KCNQ5: variants seen among roughly 807,000 people sequenced by gnomAD.
KCNQ5 encodes potassium voltage-gated channel subfamily Q member 5, also known as potassium voltage-gated channel subfamily KQT member 5.
A neutral mutation model predicts 98.2 loss-of-function variants in KCNQ5; 30 were observed. The ratio of observed to expected loss-of-function variants is 0.31; its 90% CI spans 0.23 to 0.41. The LOEUF (loss-of-function observed/expected upper bound fraction) is 0.41. KCNQ5 is among the 10% of genes least tolerant of loss of function. KCNQ5 has a pLI of 1.00. For missense variants in KCNQ5, 835 were observed against 1,182.5 expected, an observed-to-expected ratio of 0.71 and a Z score of 4.31; for synonymous variants, 458 against 449.4, an observed-to-expected ratio of 1.02 and a Z score of -0.24.
intron 10 of KCNQ5, among the ~76,000 whole-genome samples, chr6:73,166,523 A>AAC (rs1430663050): frequency 3.1e-5 from 3 of 97,848 alleles, no homozygotes; most frequent in South Asian, 2.9e-4. Flanking sequence ...AAAAAAAAAA[A>AAC]AAACTCTTAT....
At chr6:72,888,958 CTG>C (rs1376890198) in intron 1 of KCNQ5, among the ~76,000 whole-genome samples, 2 of 152,064 alleles carry the variant, frequency 1.3e-5, no homozygotes, top group African/African-American at 4.8e-5. Context: ...GTCTGTGTCT[CTG>C]TGTGTTTGTA....
chr6:72,844,801 G>A (rs1776949921), intron 1 of KCNQ5, among the ~76,000 whole-genome samples: 1 of 152,168 alleles, frequency 6.6e-6, no homozygotes, highest in South Asian at 2.1e-4. Context: ...CGTGGCCACT[G>A]GTACAGCTAA....
At chr6:72,651,008 G>A (rs1489737389) in intron 1 of KCNQ5, among the ~76,000 whole-genome samples, 1 of 152,024 alleles carries the variant, frequency 6.6e-6, no homozygotes, top group Non-Finnish European at 1.5e-5. Flanking sequence ...GAGGCCAAAT[G>A]CAGGAGATAA....
At chr6:72,933,936 A>G (rs1765791573) in intron 1 of KCNQ5, among the ~76,000 whole-genome samples, 1 of 152,222 alleles carries the variant, frequency 6.6e-6, no homozygotes, top group Non-Finnish European at 1.5e-5. Context: ...ACAAGCAAAT[A>G]AATGTAATTA....
At position 72,730,738 on chromosome 6, in the gene KCNQ5, G is replaced by C. The variant is rs1369581908; in HGVS notation, c.398+108151G>C. Among the ~76,000 whole-genome samples, 3 of 151,970 alleles carry C rather than the reference G, an allele frequency of 2.0e-5. No homozygotes were observed. The East Asian group carries it at 5.8e-4, about 29-fold the overall frequency. ...AGGCTTTATGGTGTTTTATGTGGTAGAGTTACTCATTCTTCATTACACTTT... is the reference window on the plus strand; with the variant it reads ...AGGCTTTATGGTGTTTTATGTGGTACAGTTACTCATTCTTCATTACACTTT... On this transcript the variant is annotated intron_variant, in intron 1 of 13. Transcript: ENST00000370398.
chr6:72,927,077 A>G (rs1765459770), intron 1 of KCNQ5, among the ~76,000 whole-genome samples: 1 of 152,178 alleles, frequency 6.6e-6, no homozygotes, highest in South Asian at 2.1e-4. Context: ...TAAAAAATAA[A>G]AATGCCTCAC....
intron 1 of KCNQ5, among the ~76,000 whole-genome samples, chr6:72,918,630 C>A (rs2150214132): frequency 6.6e-6 from 1 of 152,096 alleles, no homozygotes; most frequent in South Asian, 2.1e-4. Flanking sequence ...CTGGCTGGCC[C>A]TACCTTCCTT....
chr6:72,706,896 A>G (rs541362928), intron 1 of KCNQ5, among the ~76,000 whole-genome samples: 1 of 152,326 alleles, frequency 6.6e-6, no homozygotes, highest in South Asian at 2.1e-4. Context: ...ATAATTTTCC[A>G]TGCTCATTCA....
intron 1 of KCNQ5, among the ~76,000 whole-genome samples, chr6:72,666,747 C>T (rs757677347): frequency 5.3e-5 from 8 of 152,002 alleles, no homozygotes; most frequent in African/African-American, 1.4e-4. Flanking sequence ...TTATTATGAA[C>T]GTTTACACTT....
intron 10 of KCNQ5, chr6:73,157,914 C>T: frequency 1.3e-6 from 1 of 775,144 alleles, no homozygotes; most frequent in Non-Finnish European, 2.4e-6. Flanking sequence ...CTGCTCCTGC[C>T]CCGCTGTCAA....
Position 73,041,983 on chromosome 6 carries a change from C to T in KCNQ5, c.537C>T (p.Ile179=), listed in dbSNP as rs772465200. The change falls in exon 3 of 14, where the codon ATC becomes ATT. Residue 179 remains isoleucine (I), a synonymous_variant. Transcript: ENST00000370398. ...TTGGTTTGGAGTTCATCATTCGAAT[C>T]TGGTCTGCGGGTTGCTGTTGTCGAT... The part of the protein sequence containing the change: ...VVFGLEFIIR[I]WSAGCCCRYR... 8 of 1,613,882 alleles carry T rather than the reference C, an allele frequency of 5.0e-6. No homozygotes were observed. The South Asian group carries it at 6.6e-5, about 13-fold the overall frequency.
intron 1 of KCNQ5, among the ~76,000 whole-genome samples, chr6:72,975,665 A>T (rs1234764872): frequency 3.3e-5 from 5 of 152,318 alleles, no homozygotes; most frequent in Admixed American, 3.3e-4. Flanking sequence ...CACATCATAA[A>T]GTCTACTGCC....
At chr6:72,843,968 G>A (rs1010440915) in intron 1 of KCNQ5, among the ~76,000 whole-genome samples, 4 of 152,128 alleles carry the variant, frequency 2.6e-5, no homozygotes, top group African/African-American at 9.7e-5. Flanking sequence ...AGAACACATG[G>A]ACACAGGGAG....
chr6:72,811,712 C>T (rs140567462), intron 1 of KCNQ5, among the ~76,000 whole-genome samples: 32 of 152,276 alleles, frequency 2.1e-4, no homozygotes, highest in Non-Finnish European at 4.0e-4. Context: ...AGGTGTCTCT[C>T]ATTCTTGGAC....
chr6:72,971,311 A>T (rs1414503292), intron 1 of KCNQ5, among the ~76,000 whole-genome samples: 1 of 152,224 alleles, frequency 6.6e-6, no homozygotes, highest in Non-Finnish European at 1.5e-5. Flanking sequence ...ATCTCACACC[A>T]GTTAGAATGG....
intron 1 of KCNQ5, among the ~76,000 whole-genome samples, chr6:72,699,384 T>G (rs139833368): frequency 4.8e-4 from 73 of 152,334 alleles, no homozygotes; most frequent in African/African-American, 1.7e-3. Context: ...CATTTAGAGA[T>G]TCACAAATTG....
intron 6 of KCNQ5, among the ~76,000 whole-genome samples, chr6:73,110,148 G>A (rs1775176289): frequency 6.6e-6 from 1 of 152,138 alleles, no homozygotes; most frequent in African/African-American, 2.4e-5. Flanking sequence ...TTCCTTACCT[G>A]TAGCAAATAC....
At chr6:72,965,684 T>C (rs959380597) in intron 1 of KCNQ5, among the ~76,000 whole-genome samples, 16 of 152,346 alleles carry the variant, frequency 1.1e-4, no homozygotes, top group Admixed American at 4.6e-4. Flanking sequence ...TTATTATCTA[T>C]TTTATTTTTA....
At chr6:73,149,744 C>A (rs1314393639) in intron 10 of KCNQ5, among the ~76,000 whole-genome samples, 4 of 149,542 alleles carry the variant, frequency 2.7e-5, no homozygotes, top group Non-Finnish European at 4.4e-5. Context: ...CTGCAGTGAG[C>A]CGAGATTGGG....
Sources: gnomAD v4.1 joint callset for allele counts (sites outside exome capture counted in the v4.1 genomes callset) on GRCh38, gnomAD v4.1.1 for gene constraint, MANE v1.5 for transcripts, NCBI Gene and HGNC (gene_info 2026-07-23, HGNC 2026-07-21) for gene names.